Variants in TMEM100 observed in about 807,000 individuals in gnomAD.
The protein encoded by TMEM100 is transmembrane protein 100.
For missense variants in TMEM100, 137 were observed against 168.2 expected, an observed-to-expected ratio of 0.81 and a Z score of 1.02; for synonymous variants, 61 against 67.1, an observed-to-expected ratio of 0.91 and a Z score of 0.44.
upstream of TMEM100, among the ~76,000 whole-genome samples, chr17:55,726,794 C>T (rs1365688320): frequency 2.0e-5 from 3 of 152,182 alleles, no homozygotes; most frequent in Non-Finnish European, 4.4e-5. Flanking sequence ...GGAAAGTGAT[C>T]TGTGCTTCTG....
Position 55,721,108 on chromosome 17 carries a change from G to A in TMEM100, c.-38C>T. 8.3e-6 allele frequency: 13 copies of A among 1,564,598 alleles called. No individual in the cohort carries two copies. Among genetic ancestry groups the A allele is most frequent in the Non-Finnish European group, 1.1e-5 (13 of 1,156,498 alleles). On this transcript the variant is annotated 5_prime_UTR_variant, in exon 2 of 2. Coordinates refer to ENST00000424486, the MANE Select transcript of TMEM100 (RefSeq NM_018286.3). ...GCTTCTAAGCTGGGTTTACAGACTA[G>A]ATCTGGACAGTCTCACCAGGGTGAA... is the stretch of plus-strand genomic sequence containing the variant.
intron 1 of TMEM100, among the ~76,000 whole-genome samples, chr17:55,729,824 A>G (rs1007844714): frequency 1.3e-5 from 2 of 152,164 alleles, no homozygotes; most frequent in African/African-American, 2.4e-5. Flanking sequence ...TAAGAACATA[A>G]CTATGCAATT....
upstream of TMEM100, among the ~76,000 whole-genome samples, chr17:55,726,539 G>T (rs903143909): frequency 6.6e-6 from 1 of 152,172 alleles, no homozygotes; most frequent in African/African-American, 2.4e-5. Context: ...ATGTGCATTT[G>T]ATTACTCGCC....
In TMEM100 at chr17:55,720,488, G is replaced by A. The variant is rs1161780495; in HGVS notation, c.*178C>T. ...AGTAGCCCTTAGGGTTAAGTTTGTC[G>A]TTAAAGAAGACATGAGTCATTCCTC... On this transcript the variant is annotated 3_prime_UTR_variant, in exon 2 of 2. Transcript: ENST00000424486. 6 of 793,100 alleles carry A rather than the reference G, an allele frequency of 7.6e-6. No individual in the cohort carries two copies. The highest frequency in any genetic ancestry group is 2.0e-5 in the South Asian group (1 of 49,464). The allele number at this position is 793,100 out of a possible 1,614,324, so 49.1% of individuals were successfully genotyped here.
At chr17:55,724,174 G>A (rs1909000773), upstream of TMEM100, among the ~76,000 whole-genome samples, 1 of 152,078 alleles carries the variant, frequency 6.6e-6, no homozygotes, top group Non-Finnish European at 1.5e-5. Context: ...GCTGGCAAAG[G>A]GCTTGGATGT....
chr17:55,731,110 C>A (rs1020528560), intron 1 of TMEM100, among the ~76,000 whole-genome samples: 1 of 152,176 alleles, frequency 6.6e-6, no homozygotes, highest in Non-Finnish European at 1.5e-5. Flanking sequence ...CTGTTGATAA[C>A]TTTGGATGAC....
upstream of TMEM100, among the ~76,000 whole-genome samples, chr17:55,724,432 G>A (rs1648747186): frequency 6.6e-6 from 1 of 152,190 alleles, no homozygotes; most frequent in Non-Finnish European, 1.5e-5. Context: ...CAGACCTAAA[G>A]AGACAGCTTT....
chr17:55,721,135 G>T lies in TMEM100; in HGVS notation c.-65C>A. ...TCTGGACAGTCTCACCAGGGTGAAA[G>T]CTGTGAAGATAACAGGAGATGTCAG... On this transcript the variant is annotated splice_region_variant and 5_prime_UTR_variant, in exon 2 of 2. Transcript: ENST00000424486. 1 of 1,517,354 alleles carries T rather than the reference G, an allele frequency of 6.6e-7. No individual in the cohort carries two copies. Among genetic ancestry groups the T allele is most frequent in the Non-Finnish European group, 8.8e-7 (1 of 1,130,640 alleles). 94.0% of individuals were successfully genotyped at this position (1,517,354 alleles called of 1,614,324 possible).
intron 1 of TMEM100, among the ~76,000 whole-genome samples, chr17:55,730,161 A>G (rs1314286067): frequency 1.3e-5 from 2 of 152,222 alleles, no homozygotes; most frequent in African/African-American, 2.4e-5. Flanking sequence ...GTTGGTTGGG[A>G]AATCATCTGT....
upstream of TMEM100, among the ~76,000 whole-genome samples, chr17:55,723,962 C>T (rs746687306): frequency 1.3e-5 from 2 of 152,052 alleles, no homozygotes; most frequent in Non-Finnish European, 2.9e-5. Context: ...CATATAAAGC[C>T]CAAGATTGTC....
rs1018811992 is a variant in TMEM100 at position 55,722,772 on chromosome 17, GA to G, written c.-220del. On this transcript the variant is annotated 5_prime_UTR_variant, in exon 1 of 2. Transcript: ENST00000424486. The stretch of plus-strand genomic sequence containing the variant: ...GGTTAGGGATCTCTTCTGGGGAAAG[GA>G]AAAGATGTAAAAATACTTTACTATA... The G allele has an allele frequency of 6.6e-6, 1 of 152,222 alleles. No individual in the cohort carries two copies. Among genetic ancestry groups the G allele is most frequent in the Admixed American group, 6.5e-5 (1 of 15,286 alleles). 9.4% of individuals were successfully genotyped at this position (152,222 alleles called of 1,614,324 possible).
chr17:55,727,727 G>C (rs988513026), upstream of TMEM100: 30 of 152,156 alleles, frequency 2.0e-4, no homozygotes, highest in African/African-American at 7.2e-4. Flanking sequence ...CCTAAAAACG[G>C]ATAATCAATG....
chr17:55,731,156 C>A (rs1270119409), intron 1 of TMEM100, among the ~76,000 whole-genome samples: 1 of 152,162 alleles, frequency 6.6e-6, no homozygotes, highest in Non-Finnish European at 1.5e-5. Flanking sequence ...TCAGGGAAAC[C>A]TTGCTTCCCT....
At chr17:55,729,856 T>C (rs1226377999) in intron 1 of TMEM100, among the ~76,000 whole-genome samples, 1 of 152,236 alleles carries the variant, frequency 6.6e-6, no homozygotes, top group Admixed American at 6.5e-5. Flanking sequence ...TGTTAGACAT[T>C]ATTTTAAAAT....
chr17:55,720,843 G>A lies in TMEM100; in HGVS notation c.228C>T (p.Tyr76=). The part of the protein sequence containing the change: ...IAGIVVTAVA[Y]SFNSHGSIIS... ...TAATAGACCCATGGGAATTGAAGCT[G>A]TAAGCCACCGCGGTGACCACGATGC... The change falls in exon 2 of 2, where the codon TAC becomes TAT. Residue 76 remains tyrosine (Y), a synonymous_variant. Transcript: ENST00000424486. 6.2e-7 allele frequency: 1 copy of A among 1,614,198 alleles called. No homozygotes were observed. The highest frequency in any genetic ancestry group is 8.5e-7 in the Non-Finnish European group (1 of 1,180,034).
upstream of TMEM100, among the ~76,000 whole-genome samples, chr17:55,725,618 C>T (rs1003076676): frequency 3.3e-5 from 5 of 151,688 alleles, no homozygotes; most frequent in South Asian, 4.2e-4. Context: ...ATTAAGGGAC[C>T]GGAGACAATT....
At position 55,721,152 on chromosome 17, in the gene TMEM100, A is replaced by G. The variant is rs1193470478; in HGVS notation, c.-65-17T>C. The G allele has an allele frequency of 1.4e-6, 2 of 1,478,792 alleles. No homozygotes were observed. Among genetic ancestry groups the G allele is most frequent in the Non-Finnish European group, 1.8e-6 (2 of 1,099,406 alleles). 91.6% of individuals were successfully genotyped at this position (1,478,792 alleles called of 1,614,324 possible). A position where few individuals can be genotyped will look rare whatever the true frequency, so the allele number is the denominator to read the frequency against. ...GGGTGAAAGCTGTGAAGATAACAGG[A>G]GATGTCAGCTACATGTATCAGAATG... On this transcript the variant is annotated splice_polypyrimidine_tract_variant and intron_variant, in intron 1 of 1. Transcript: ENST00000424486.
chr17:55,731,987 C>T (rs1195835406), exon 1 of TMEM100: 1 of 152,246 alleles, frequency 6.6e-6, no homozygotes, highest in Non-Finnish European at 1.5e-5. Flanking sequence ...TGTGACAGGA[C>T]ACAGGAGCAG....
upstream of TMEM100, among the ~76,000 whole-genome samples, chr17:55,723,532 A>T (rs1908976171): frequency 1.3e-5 from 2 of 152,320 alleles, 1 homozygote; most frequent in South Asian, 4.1e-4. Flanking sequence ...TTTATAGAGC[A>T]CCTACTGTGG....
Sources: allele counts gnomAD v4.1 joint callset (sites outside exome capture counted in the v4.1 genomes callset), GRCh38; gene constraint gnomAD v4.1.1; transcripts MANE v1.5; gene names NCBI Gene and HGNC (gene_info 2026-07-23, HGNC 2026-07-21).